BRAT1: variants seen among roughly 807,000 people sequenced by gnomAD.
The protein encoded by BRAT1 is BRCA1 associated ATM activator 1, also known as integrator complex assembly factor BRAT1.
Under a neutral mutation model 70.6 loss-of-function variants are expected in BRAT1, and 74 were observed. That is an observed-to-expected ratio of 1.05 (90% CI 0.87 to 1.27). The LOEUF is 1.27. BRAT1 is among the 50% of genes most tolerant of loss of function. The probability of loss-of-function intolerance (pLI) is 0.00; values close to 1 mark genes in which losing one functional copy is unlikely to be tolerated. For synonymous variants in BRAT1, 615 were observed against 517.1 expected (o/e 1.19, Z -2.57); for missense variants, 1,203 against 1,098.2 (o/e 1.10, Z -1.35).
At chr7:2,550,873 C>T (rs139865308) in intron 2 of BRAT1, among the ~76,000 whole-genome samples, 16 of 152,266 alleles carry the variant, frequency 1.1e-4, no homozygotes, top group Non-Finnish European at 1.8e-4. Context: ...TTTCTCATGT[C>T]AGACGGGTCA....
intron 2 of BRAT1, among the ~76,000 whole-genome samples, chr7:2,550,770 G>A (rs1779949417): frequency 6.6e-6 from 1 of 152,056 alleles, no homozygotes; most frequent in East Asian, 1.9e-4. Context: ...TTTCTTTAGG[G>A]GGAACAAAAT....
At chr7:2,546,283 A>G (rs907618806) in intron 3 of BRAT1, among the ~76,000 whole-genome samples, 2 of 152,166 alleles carry the variant, frequency 1.3e-5, no homozygotes, top group East Asian at 3.9e-4. Flanking sequence ...TCTACCAAAG[A>G]TAACAAAGTT....
intron 1 of BRAT1, among the ~76,000 whole-genome samples, chr7:2,554,649 GC>G (rs1248444483): frequency 2.6e-5 from 4 of 152,256 alleles, no homozygotes; most frequent in African/African-American, 9.6e-5. Context: ...GGCCCTGAGC[GC>G]TGGTGGCGGG....
At position 2,537,949 on chromosome 7, in the gene BRAT1, C is replaced by T. The variant is rs1241419482; in HGVS notation, c.*120G>A. Reference sequence around the variant, plus strand: ...TTCTTGACCTTGCTTCTCTCCTGGTCCTGGCTTCCCCAGAGGATCCACCGG... The same window carrying T: ...TTCTTGACCTTGCTTCTCTCCTGGTTCTGGCTTCCCCAGAGGATCCACCGG... On this transcript the variant is annotated 3_prime_UTR_variant, in exon 14 of 14. Transcript: ENST00000340611. The T allele has an allele frequency of 8.7e-6, 12 of 1,380,116 alleles. No homozygotes were observed. The highest frequency in any genetic ancestry group is 1.1e-5 in the Non-Finnish European group (12 of 1,066,990). 85.5% of individuals were successfully genotyped at this position (1,380,116 alleles called of 1,614,324 possible).
Position 2,539,525 on chromosome 7 carries a change from TC to T in BRAT1, c.1597+18del. 6 of 1,538,034 alleles carry T rather than the reference TC, an allele frequency of 3.9e-6. No homozygotes were observed. Among genetic ancestry groups the T allele is most frequent in the Non-Finnish European group, 5.3e-6 (6 of 1,137,552 alleles). ...CCCCACAGGCGGGGAAGGCAGCCCC[TC>T]CACCTGCCAGCACTCACCTCCCCAG... On this transcript the variant is annotated intron_variant, in intron 12 of 13. Coordinates refer to ENST00000340611, the MANE Select transcript of BRAT1 (RefSeq NM_152743.4).
Position 2,541,417 on chromosome 7 carries a change from C to A in BRAT1, c.1202G>T (p.Cys401Phe), listed in dbSNP as rs754631197. The A allele has an allele frequency of 6.9e-6, 11 of 1,592,654 alleles. No individual in the cohort carries two copies. The highest frequency in any genetic ancestry group is 2.7e-5 in the African/African-American group (2 of 74,682). The change falls in exon 9 of 14, where the codon TGT (cysteine) becomes TTT (phenylalanine). Residue 401 changes from cysteine (C) to phenylalanine (F), a missense_variant. By Grantham distance (205) the Cys-to-Phe change is radical. Transcript: ENST00000340611. The part of the protein sequence containing the change: ...LGATVTVLRL[C>F]DGSAAPASSV... ...GGAGGCAGGGGCAGCCGAGCCGTCA[C>A]AGAGCCGCAGGACAGTCACTGTAGC...
At chr7:2,550,070 G>A (rs549880141) in intron 2 of BRAT1, among the ~76,000 whole-genome samples, 1 of 151,904 alleles carries the variant, frequency 6.6e-6, no homozygotes, top group South Asian at 2.1e-4. Context: ...GGCTGGGGTG[G>A]GAGGATCACT....
rs751042897 is a variant in BRAT1, at chr7:2,538,365, G to C, written c.2170C>G (p.Leu724Val). The change falls in exon 14 of 14, where the codon CTC (leucine) becomes GTC (valine). Residue 724 changes from leucine to valine, a missense_variant. Physicochemically the swap from Leu to Val is conservative, Grantham distance 32. Coordinates refer to ENST00000340611, the MANE Select transcript of BRAT1 (RefSeq NM_152743.4). Reference protein sequence around the residue: ...PVAQKSCDLLLFLRDKIASYS... With the variant: ...PVAQKSCDLLVFLRDKIASYS... ...GAAGCAATCTTGTCCCTCAGGAAGA[G>C]AAGGAGGTCACAAGACTTCTGCGCC... The C allele has an allele frequency of 2.0e-5, 33 of 1,613,332 alleles. No homozygotes were observed. Among genetic ancestry groups the C allele is most frequent in the Non-Finnish European group, 2.5e-5 (30 of 1,179,932 alleles).
At chr7:2,541,144 G>A (rs963839592) in intron 9 of BRAT1, 92 bp from the exon 10 acceptor site, 22 of 1,286,230 alleles carry the variant, frequency 1.7e-5, no homozygotes, top group East Asian at 3.9e-5. Flanking sequence ...GGCCTCATCC[G>A]CCAGCTGAAA....
chr7:2,542,875 C>T (rs1044506459), intron 6 of BRAT1: 1 of 193,696 alleles, frequency 5.2e-6, no homozygotes, highest in African/African-American at 2.3e-5. Flanking sequence ...GCTCCGAAAC[C>T]CCCAACCAAA....
chr7:2,546,249 T>G (rs1414723853), intron 3 of BRAT1, among the ~76,000 whole-genome samples: 1 of 151,444 alleles, frequency 6.6e-6, no homozygotes, highest in Non-Finnish European at 1.5e-5. Context: ...GAGACCAGCC[T>G]GGGCAACATA....
In BRAT1 at chr7:2,541,753, G is replaced by C. The variant is rs139472984; in HGVS notation, c.1099C>G (p.Arg367Gly). The C allele has an allele frequency of 6.2e-7, 1 of 1,611,580 alleles. No homozygotes were observed. Among genetic ancestry groups the C allele is most frequent in the Non-Finnish European group, 8.5e-7 (1 of 1,179,576 alleles). Residue 367 changes from arginine (R) to glycine (G), a missense_variant, in exon 8 of 14, where the codon CGC (arginine) becomes GGC (glycine). Transcript: ENST00000340611. ...AGCTCCTCCAGGTGAGCCAGGGTGCGGCACAGGAGGCCGGCGCAGGACGAC... is the reference window on the plus strand; with the variant it reads ...AGCTCCTCCAGGTGAGCCAGGGTGCCGCACAGGAGGCCGGCGCAGGACGAC... ...SKSSCAGLLC[R>G]TLAHLEELQP...
rs1779368057 is a variant in BRAT1 at position 2,543,747 on chromosome 7, G to C, written c.646C>G (p.Gln216Glu). The C allele has an allele frequency of 1.9e-6, 3 of 1,603,260 alleles. No individual in the cohort carries two copies. The highest frequency in any genetic ancestry group is 2.2e-5 in the South Asian group (2 of 90,566). ...GTCGTGGTCAGGACGTTCAGGGCCT[G>C]AGTGACCTTGGGGGTGGCCGCGGAG... ...LCSAATPKVTQALNVLTTTFG... is the reference protein window; with the variant it reads ...LCSAATPKVTEALNVLTTTFG... Residue 216 changes from glutamine (Q) to glutamate (E), a missense_variant, in exon 5 of 14, where the codon CAG becomes GAG. Gln to Glu is a conservative substitution (Grantham distance 29, BLOSUM62 2). Transcript: ENST00000340611. This position sits in a 1 kb window ranked among gnomAD's most constrained non-coding sequence, Gnocchi z 5.5.
intron 4 of BRAT1, among the ~76,000 whole-genome samples, chr7:2,544,407 G>A (rs1779443357): frequency 6.6e-6 from 1 of 152,048 alleles, no homozygotes; most frequent in African/African-American, 2.4e-5. Flanking sequence ...TCACCATGTT[G>A]GCCAGGCTGG....
In BRAT1 at chr7:2,543,609, G is replaced by T; in HGVS notation, c.784C>A (p.Leu262Met). 6.6e-7 allele frequency: 1 copy of T among 1,522,460 alleles called. No homozygotes were observed. The highest frequency in any genetic ancestry group is 8.8e-7 in the Non-Finnish European group (1 of 1,132,366). 94.3% of individuals were successfully genotyped at this position (1,522,460 alleles called of 1,614,324 possible). Residue 262 changes from leucine (L) to methionine (M), a missense_variant, in exon 5 of 14, where the codon CTG (leucine) becomes ATG (methionine). Physicochemically the swap from Leu to Met is conservative, Grantham distance 15 (BLOSUM62 2). Coordinates refer to ENST00000340611, the MANE Select transcript of BRAT1 (RefSeq NM_152743.4). This position sits in a 1 kb window ranked among gnomAD's most constrained non-coding sequence, Gnocchi z 5.5. ...CCTGACCGAGCCACACAGAGAAGCAGGTCCACGAACGAGTGTGCGGCGGGG... is the reference window on the plus strand; with the variant it reads ...CCTGACCGAGCCACACAGAGAAGCATGTCCACGAACGAGTGTGCGGCGGGG... ...PIPAAHSFVD[L>M]LLCVARSPVF...
chr7:2,541,249 T>C, intron 9 of BRAT1, 49 bp downstream of exon 9: 1 of 1,493,720 alleles, frequency 6.7e-7, no homozygotes, highest in Non-Finnish European at 8.9e-7. Flanking sequence ...GAAAGGAGAG[T>C]GGGGGCACAG....
Position 2,542,157 on chromosome 7 carries a change from A to G in BRAT1, c.978T>C (p.Cys326=). The G allele has an allele frequency of 1.3e-6, 2 of 1,572,224 alleles. No homozygotes were observed. The highest frequency in any genetic ancestry group is 1.7e-6 in the Non-Finnish European group (2 of 1,158,876). The part of the protein sequence containing the change: ...AFQVLLQPLA[C]VLKATVQAPG... ...GGGCCTGAACCGTGGCCTTCAGGAC[A>G]CAGGCCAGGGGCTGGAGAAGGACCT... Residue 326 remains cysteine (C), a synonymous_variant, in exon 7 of 14, where the codon TGT becomes TGC. Coordinates refer to ENST00000340611, the MANE Select transcript of BRAT1 (RefSeq NM_152743.4).
At position 2,542,172 on chromosome 7, in the gene BRAT1, G is replaced by A. The variant is rs181738663; in HGVS notation, c.963C>T (p.Leu321=). 1.3e-6 allele frequency: 2 copies of A among 1,571,850 alleles called. No individual in the cohort carries two copies. The highest frequency in any genetic ancestry group is 1.9e-5 in the Admixed American group (1 of 53,934). Residue 321 remains leucine, a synonymous_variant, in exon 7 of 14, where the codon CTC becomes CTT. Transcript: ENST00000340611. ...CCTTCAGGACACAGGCCAGGGGCTG[G>A]AGAAGGACCTGGAAGGCCTGGGTCC... is the stretch of plus-strand genomic sequence containing the variant. ...ALRTQAFQVL[L]QPLACVLKAT...
At chr7:2,553,958 A>C (rs2128415162) in intron 2 of BRAT1, among the ~76,000 whole-genome samples, 1 of 152,186 alleles carries the variant, frequency 6.6e-6, no homozygotes, top group Non-Finnish European at 1.5e-5. Flanking sequence ...CTACTTTCAT[A>C]ATCAGAAAGA....
Sources: gnomAD v4.1 joint callset for allele counts (sites outside exome capture counted in the v4.1 genomes callset) on GRCh38, gnomAD v4.1.1 for gene constraint, Gnocchi (gnomAD v3.1) non-coding constraint, MANE v1.5 for transcripts, NCBI Gene and HGNC (gene_info 2026-07-23, HGNC 2026-07-21) for gene names.